The following RALGAPA2 variants were observed in gnomAD, a reference collection of about 807,000 sequenced individuals.
The protein encoded by RALGAPA2 is Ral GTPase activating protein catalytic subunit alpha 2.
RALGAPA2 carries 139 observed loss-of-function variants against 230.4 expected under a neutral mutation model. The observed-to-expected ratio is 0.60, with a 90% CI of 0.53 to 0.69. The LOEUF (loss-of-function observed/expected upper bound fraction) is 0.69. RALGAPA2 is among the 30% of genes least tolerant of loss of function. RALGAPA2 has a pLI of 0.00. For synonymous variants in RALGAPA2, 847 were observed against 837.8 expected (o/e 1.01, Z -0.19); for missense variants, 2,163 against 2,276.0 (o/e 0.95, Z 1.01).
At chr20:20,633,147 T>A (rs1727550788) in intron 9 of RALGAPA2, among the ~76,000 whole-genome samples, 1 of 151,904 alleles carries the variant, frequency 6.6e-6, no homozygotes, top group East Asian at 1.9e-4. Flanking sequence ...TCTTTCTTCT[T>A]TTTTGAAATG....
chr20:20,592,184 T>A (rs1375707846), intron 16 of RALGAPA2, among the ~76,000 whole-genome samples: 1 of 152,138 alleles, frequency 6.6e-6, no homozygotes, highest in Non-Finnish European at 1.5e-5. Context: ...ATATTTATCC[T>A]CTCCATGGTC....
intron 37 of RALGAPA2, among the ~76,000 whole-genome samples, chr20:20,465,669 A>C (rs915281821): frequency 7.9e-5 from 12 of 152,142 alleles, no homozygotes; most frequent in African/African-American, 2.7e-4. Context: ...CTATAGCAAA[A>C]ATAGCAGAGT....
intron 16 of RALGAPA2, among the ~76,000 whole-genome samples, chr20:20,593,599 A>G (rs1271793986): frequency 1.3e-5 from 2 of 152,254 alleles, no homozygotes; most frequent in Non-Finnish European, 2.9e-5. Context: ...TTAATCCAGT[A>G]TCAGAAGGGG....
chr20:20,621,454 T>C (rs2066318182), intron 10 of RALGAPA2, among the ~76,000 whole-genome samples: 1 of 151,684 alleles, frequency 6.6e-6, no homozygotes, highest in Non-Finnish European at 1.5e-5. Flanking sequence ...AATCAGGACT[T>C]TGTTTCTTTT....
At chr20:20,593,112 T>C (rs2065344307) in intron 16 of RALGAPA2, among the ~76,000 whole-genome samples, 1 of 152,178 alleles carries the variant, frequency 6.6e-6, no homozygotes, top group Admixed American at 6.5e-5. Flanking sequence ...AGATGGGGTT[T>C]TGCCATGTTG....
chr20:20,475,306 A>G (rs2061626239), intron 36 of RALGAPA2, among the ~76,000 whole-genome samples: 1 of 152,120 alleles, frequency 6.6e-6, no homozygotes, highest in African/African-American at 2.4e-5. Context: ...TGATGCAAAA[A>G]TCCTTTATAA....
intron 37 of RALGAPA2, among the ~76,000 whole-genome samples, chr20:20,435,732 GA>G (rs941354555): frequency 6.6e-6 from 1 of 152,186 alleles, no homozygotes; most frequent in Non-Finnish European, 1.5e-5. Flanking sequence ...CCAGTGTGGT[GA>G]AAAGAGGTGG....
At chr20:20,491,022 A>T (rs1337335731) in intron 36 of RALGAPA2, among the ~76,000 whole-genome samples, 1 of 152,006 alleles carries the variant, frequency 6.6e-6, no homozygotes, top group Non-Finnish European at 1.5e-5. Context: ...GAGGATCCAA[A>T]AAAAAAAAGG....
rs1186279706 is a variant in RALGAPA2, at chr20:20,516,781, G to A, written c.4085-3497C>T. Among the ~76,000 whole-genome samples the A allele has an allele frequency of 2.0e-5, 3 of 152,334 alleles. No individual in the cohort carries two copies. In the South Asian group the frequency reaches 6.2e-4, roughly 32 times the overall value. On this transcript the variant is annotated intron_variant, in intron 31 of 39. Transcript: ENST00000202677. ...CCACTGGGTGGCTAGACCCAGAAGAGCAATAGCAGTCACGGTAGTCTGGCT... is the reference window on the plus strand; with the variant it reads ...CCACTGGGTGGCTAGACCCAGAAGAACAATAGCAGTCACGGTAGTCTGGCT...
chr20:20,709,591 C>G (rs2094243), intron 1 of RALGAPA2, among the ~76,000 whole-genome samples: 8,718 of 152,172 alleles, frequency 0.057, 346 homozygotes, highest in East Asian at 0.16. Context: ...AGTCACAGGA[C>G]CTAACAGCTC....
intron 37 of RALGAPA2, among the ~76,000 whole-genome samples, chr20:20,427,511 C>T (rs1238279097): frequency 5.3e-5 from 8 of 152,014 alleles, no homozygotes; most frequent in Non-Finnish European, 1.2e-4. Context: ...CTCCCTCCGA[C>T]CGGCTAGCCC....
At chr20:20,614,139 G>A (rs962536391) in intron 13 of RALGAPA2, among the ~76,000 whole-genome samples, 1 of 151,854 alleles carries the variant, frequency 6.6e-6, no homozygotes, top group Non-Finnish European at 1.5e-5. Context: ...GGGATTATCT[G>A]GTACTTAAAT....
At chr20:20,453,641 C>T (rs546219327) in intron 37 of RALGAPA2, among the ~76,000 whole-genome samples, 34 of 152,300 alleles carry the variant, frequency 2.2e-4, no homozygotes, top group East Asian at 1.2e-3. Flanking sequence ...CTCTGTGGGA[C>T]GCCTTGAGGC....
chr20:20,673,459 A>G (rs2068210271), intron 3 of RALGAPA2, among the ~76,000 whole-genome samples: 1 of 152,146 alleles, frequency 6.6e-6, no homozygotes, highest in South Asian at 2.1e-4. Flanking sequence ...TGAAGGGATT[A>G]TGACTCTCCA....
rs1279554342 is a variant in RALGAPA2, at chr20:20,435,778, G to A, written c.5496-23630C>T. ...CTTCACGAAGGGAACGAGGGACCCC[G>A]ACACTGGGATGTGTCTGTGGACACT... On this transcript the variant is annotated intron_variant, in intron 37 of 39. Transcript: ENST00000202677. Among the ~76,000 whole-genome samples, 4 of 152,332 alleles carry A rather than the reference G, an allele frequency of 2.6e-5. No individual in the cohort carries two copies. In the East Asian group the frequency reaches 5.8e-4, roughly 22 times the overall value.
At chr20:20,615,946 G>T in intron 13 of RALGAPA2, 97 bp downstream of exon 13, 2 of 1,016,832 alleles carry the variant, frequency 2.0e-6, no homozygotes, top group Non-Finnish European at 2.7e-6. Flanking sequence ...TGTTAAGTTC[G>T]TAAAAACATT....
chr20:20,482,791 G>A (rs895832799), intron 36 of RALGAPA2, among the ~76,000 whole-genome samples: 4 of 152,140 alleles, frequency 2.6e-5, no homozygotes, highest in African/African-American at 9.7e-5. Flanking sequence ...TGAGAAGGAT[G>A]GAAAGCTCTG....
chr20:20,681,880 C>CA (rs1487345292), intron 1 of RALGAPA2, among the ~76,000 whole-genome samples: 13 of 151,908 alleles, frequency 8.6e-5, no homozygotes, highest in Non-Finnish European at 1.8e-4. Flanking sequence ...CAAAACAAAG[C>CA]AAAAAACAAA....
At chr20:20,402,078 G>A (rs570292185) in intron 38 of RALGAPA2, among the ~76,000 whole-genome samples, 15 of 152,332 alleles carry the variant, frequency 9.8e-5, no homozygotes, top group African/African-American at 3.6e-4. Flanking sequence ...AGGCAGCGGG[G>A]CTGTAGGGTG....
Sources: gnomAD v4.1 joint callset for allele counts (sites outside exome capture counted in the v4.1 genomes callset) on GRCh38, gnomAD v4.1.1 for gene constraint, MANE v1.5 for transcripts, NCBI Gene and HGNC (gene_info 2026-07-23, HGNC 2026-07-21) for gene names.